SGCZ: variants seen among roughly 807,000 people sequenced by gnomAD.
SGCZ encodes sarcoglycan zeta.
SGCZ carries 40 observed loss-of-function variants against 41.3 expected under a neutral mutation model. The ratio of observed to expected loss-of-function variants is 0.97; its 90% CI spans 0.75 to 1.26. The LOEUF (loss-of-function observed/expected upper bound fraction) is 1.26. SGCZ is among the 50% of genes most tolerant of loss of function. The probability of loss-of-function intolerance (pLI) is 0.00; values close to 1 mark genes in which losing one functional copy is unlikely to be tolerated. For missense variants in SGCZ, 552 were observed against 369.8 expected, an observed-to-expected ratio of 1.49 and a Z score of -4.04; for synonymous variants, 206 against 137.5, an observed-to-expected ratio of 1.50 and a Z score of -3.49.
intron 1 of SGCZ, among the ~76,000 whole-genome samples, chr8:14,654,852 A>G (rs2082214166): frequency 6.6e-6 from 1 of 151,750 alleles, no homozygotes; most frequent in Admixed American, 6.6e-5. Context: ...TTTTTAGTAG[A>G]GATGTGGTTT....
intron 1 of SGCZ, among the ~76,000 whole-genome samples, chr8:14,985,583 A>T (rs145076335): frequency 1.6e-4 from 25 of 152,312 alleles, no homozygotes; most frequent in African/African-American, 5.5e-4. Context: ...AGAATGCAGG[A>T]TGTGTGCTTA....
At chr8:14,967,471 T>C (rs548871823) in intron 1 of SGCZ, among the ~76,000 whole-genome samples, 1 of 152,152 alleles carries the variant, frequency 6.6e-6, no homozygotes, top group Non-Finnish European at 1.5e-5. Context: ...ACTTCGGTCA[T>C]AAAGACTCAA....
chr8:14,796,315 T>C (rs989324534), intron 1 of SGCZ, among the ~76,000 whole-genome samples: 1 of 152,154 alleles, frequency 6.6e-6, no homozygotes, highest in Non-Finnish European at 1.5e-5. Context: ...AGAGACAGAA[T>C]CTATGTTGTC....
At chr8:14,537,801 CT>C (rs1413299960) in intron 2 of SGCZ, among the ~76,000 whole-genome samples, 1 of 151,898 alleles carries the variant, frequency 6.6e-6, no homozygotes, top group African/African-American at 2.4e-5. Context: ...CGCTAAAGAG[CT>C]GTTATACTTT....
chr8:14,282,220 T>C (rs1800470428), intron 3 of SGCZ, among the ~76,000 whole-genome samples: 2 of 152,160 alleles, frequency 1.3e-5, no homozygotes, highest in Admixed American at 1.3e-4. Context: ...CCCTTAAGAA[T>C]ACTGATCCGC....
chr8:14,883,479 G>C (rs867531695), intron 1 of SGCZ, among the ~76,000 whole-genome samples: 25 of 151,608 alleles, frequency 1.6e-4, no homozygotes, highest in Admixed American at 1.3e-4. Context: ...AAAAAAGGAA[G>C]AAAAAAAACT....
At chr8:15,136,232 A>G (rs1360312978) in intron 1 of SGCZ, among the ~76,000 whole-genome samples, 1 of 152,050 alleles carries the variant, frequency 6.6e-6, no homozygotes, top group African/African-American at 2.4e-5. Flanking sequence ...ATCATTTTGT[A>G]TGCACCATGA....
At position 14,466,800 on chromosome 8, in the gene SGCZ, A is replaced by G. The variant is rs530736210; in HGVS notation, c.234+87932T>C. Among the ~76,000 whole-genome samples the G allele has an allele frequency of 1.3e-4, 19 of 151,526 alleles. No individual in the cohort carries two copies. The South Asian group carries it at 4.0e-3, about 32-fold the overall frequency. On this transcript the variant is annotated intron_variant, in intron 2 of 7. Coordinates refer to ENST00000382080, the MANE Select transcript of SGCZ (RefSeq NM_139167.4). ...GTTTTCAACTCTAAAATACCTTTTG[A>G]TTTCTTTTAGGTTTCTATATTTTAT...
intron 3 of SGCZ, among the ~76,000 whole-genome samples, chr8:14,290,123 T>C (rs2116942203): frequency 6.6e-6 from 1 of 152,164 alleles, no homozygotes; most frequent in South Asian, 2.1e-4. Flanking sequence ...GTTTGGGTGG[T>C]GACACAGAGC....
intron 1 of SGCZ, among the ~76,000 whole-genome samples, chr8:15,023,020 T>G (rs556956827): frequency 4.5e-4 from 68 of 152,166 alleles, no homozygotes; most frequent in Admixed American, 1.0e-3. Flanking sequence ...GGGCATTTTC[T>G]TCATCCTTTT....
At chr8:15,104,727 A>G (rs1006110162) in intron 1 of SGCZ, among the ~76,000 whole-genome samples, 1 of 152,196 alleles carries the variant, frequency 6.6e-6, no homozygotes, top group African/African-American at 2.4e-5. Context: ...CTTCCCAATA[A>G]CAACATATAG....
intron 3 of SGCZ, among the ~76,000 whole-genome samples, chr8:14,305,920 G>A (rs773691424): frequency 2.0e-5 from 3 of 152,134 alleles, no homozygotes; most frequent in Non-Finnish European, 2.9e-5. Flanking sequence ...GTTCAAGCCC[G>A]GACTAACCTC....
intron 4 of SGCZ, among the ~76,000 whole-genome samples, chr8:14,199,706 G>A (rs1344682432): frequency 6.6e-6 from 1 of 151,998 alleles, no homozygotes; most frequent in African/African-American, 2.4e-5. Flanking sequence ...AGGGAAAATA[G>A]AAAAGAACCT....
intron 2 of SGCZ, among the ~76,000 whole-genome samples, chr8:14,416,454 C>G (rs1352014908): frequency 2.0e-5 from 3 of 151,762 alleles, no homozygotes; most frequent in Non-Finnish European, 2.9e-5. Context: ...TTATTTAGAG[C>G]CTACAACTGC....
chr8:14,979,171 C>T (rs140183229), intron 1 of SGCZ, among the ~76,000 whole-genome samples: 81 of 152,266 alleles, frequency 5.3e-4, no homozygotes, highest in African/African-American at 1.9e-3. Context: ...TATGAATACA[C>T]TAAAAGGCAT....
chr8:15,152,837 T>C (rs1799221186), intron 1 of SGCZ, among the ~76,000 whole-genome samples: 1 of 152,166 alleles, frequency 6.6e-6, no homozygotes, highest in South Asian at 2.1e-4. Flanking sequence ...TCAGATAAAC[T>C]GACTAATAAT....
chr8:15,100,341 C>T (rs760819609), intron 1 of SGCZ, among the ~76,000 whole-genome samples: 10 of 152,048 alleles, frequency 6.6e-5, no homozygotes, highest in Non-Finnish European at 1.3e-4. Context: ...AAAAACATAA[C>T]ACTATTTATA....
chr8:14,365,705 T>A (rs561590860), intron 2 of SGCZ, among the ~76,000 whole-genome samples: 4 of 152,148 alleles, frequency 2.6e-5, no homozygotes, highest in African/African-American at 9.6e-5. Flanking sequence ...AAATAGGAAA[T>A]AGGTTTTTAT....
chr8:14,718,434 T>C (rs1042334488), intron 1 of SGCZ, among the ~76,000 whole-genome samples: 4 of 152,062 alleles, frequency 2.6e-5, no homozygotes, highest in Non-Finnish European at 5.9e-5. Flanking sequence ...TGATGCTCTT[T>C]TTAAAGGATC....
Sources: gnomAD v4.1 joint callset for allele counts (sites outside exome capture counted in the v4.1 genomes callset) on GRCh38, gnomAD v4.1.1 for gene constraint, MANE v1.5 for transcripts, NCBI Gene and HGNC (gene_info 2026-07-23, HGNC 2026-07-21) for gene names.